The following RBMS3 variants were observed in gnomAD, a reference collection of about 807,000 sequenced individuals.
The protein encoded by RBMS3 is RNA-binding motif, single-stranded-interacting protein 3.
In RBMS3, 27 loss-of-function variants were observed where a neutral mutation model predicts 66.8. That is an observed-to-expected ratio of 0.40 (90% CI 0.30 to 0.56). RBMS3 has a LOEUF of 0.56. Among genes scored for constraint, RBMS3 ranks in the 20% least tolerant of loss-of-function variants. RBMS3 has a pLI of 0.40. For missense variants in RBMS3, 513 were observed against 549.5 expected (o/e 0.93, Z 0.66); for synonymous variants, 188 against 183.0 (o/e 1.03, Z -0.22).
Position 30,009,857 on chromosome 3 carries a change from C to T in RBMS3, c.*5995C>T, listed in dbSNP as rs1699912496. The T allele has an allele frequency of 6.6e-6, 1 of 151,674 alleles. No homozygotes were observed. Among genetic ancestry groups the T allele is most frequent in the Non-Finnish European group, 1.5e-5 (1 of 67,886 alleles). 9.4% of individuals were successfully genotyped at this position (151,674 alleles called of 1,614,324 possible). On this transcript the variant is annotated 3_prime_UTR_variant, in exon 15 of 15. Coordinates refer to ENST00000383767, the MANE Select transcript of RBMS3 (RefSeq NM_001003793.3). Reference sequence around the variant, plus strand: ...AGATTATTGAGAAAGATGTTTTTTCCTCCTCCCTCAAATATGTTATCTCTT... The same window carrying T: ...AGATTATTGAGAAAGATGTTTTTTCTTCCTCCCTCAAATATGTTATCTCTT...
chr3:29,425,209 AAAAAAAC>A (rs2040901620), intron 1 of RBMS3, among the ~76,000 whole-genome samples: 2 of 100,764 alleles, frequency 2.0e-5, no homozygotes, highest in African/African-American at 7.9e-5. Context: ...AAACCCCCCA[AAAAAAAC>A]AAAAAAAAAA....
At chr3:29,557,668 T>C (rs1464728274) in intron 3 of RBMS3, among the ~76,000 whole-genome samples, 1 of 152,176 alleles carries the variant, frequency 6.6e-6, no homozygotes, top group African/African-American at 2.4e-5. Flanking sequence ...CTGATTGGGA[T>C]TTTAATCCAG....
intron 3 of RBMS3, among the ~76,000 whole-genome samples, chr3:29,490,730 T>TG (rs1344737866): frequency 1.3e-5 from 2 of 152,026 alleles, no homozygotes; most frequent in Non-Finnish European, 2.9e-5. Flanking sequence ...GTTGAGAACT[T>TG]GGAGAACATT....
intron 3 of RBMS3, among the ~76,000 whole-genome samples, chr3:29,579,970 A>G (rs2047267888): frequency 6.6e-6 from 1 of 152,234 alleles, no homozygotes; most frequent in Admixed American, 6.5e-5. Context: ...CTCATTTAAA[A>G]ATCAATTGAA....
chr3:29,281,445 G>A lies in RBMS3; in HGVS notation c.-237G>A. 1.9e-6 allele frequency: 1 copy of A among 537,004 alleles called. No individual in the cohort carries two copies. The highest frequency in any genetic ancestry group is 2.6e-5 in the South Asian group (1 of 39,196). 33.3% of individuals were successfully genotyped at this position (537,004 alleles called of 1,614,324 possible). A position where few individuals can be genotyped will look rare whatever the true frequency, so the allele number is the denominator to read the frequency against. Reference sequence around the variant, plus strand: ...CAAGATCTGGGAAGGCTGTGTGTGGGTGTTTTTTCTACAGATCTCACTCCT... The same window carrying A: ...CAAGATCTGGGAAGGCTGTGTGTGGATGTTTTTTCTACAGATCTCACTCCT... On this transcript the variant is annotated 5_prime_UTR_variant, in exon 1 of 15. The change creates a new upstream start codon in the 5' untranslated region. Transcript: ENST00000383767.
intron 12 of RBMS3, among the ~76,000 whole-genome samples, chr3:29,959,358 T>A (rs1696256517): frequency 6.6e-6 from 1 of 152,176 alleles, no homozygotes; most frequent in African/African-American, 2.4e-5. Flanking sequence ...GCACAGCATC[T>A]CCTGAGAGCT....
intron 7 of RBMS3, among the ~76,000 whole-genome samples, chr3:29,874,262 T>G (rs1466949240): frequency 6.6e-6 from 1 of 152,130 alleles, no homozygotes; most frequent in Admixed American, 6.6e-5. Flanking sequence ...TTCAGAGACA[T>G]AGAATTAAAC....
intron 6 of RBMS3, among the ~76,000 whole-genome samples, chr3:29,771,437 A>G (rs929343610): frequency 3.3e-5 from 5 of 152,044 alleles, no homozygotes; most frequent in Admixed American, 6.6e-5. Context: ...TGTTAAATAA[A>G]TAAGCAAATA....
intron 4 of RBMS3, among the ~76,000 whole-genome samples, chr3:29,660,537 T>G (rs2050504380): frequency 6.6e-6 from 1 of 152,190 alleles, no homozygotes. Context: ...CGGAGAGACT[T>G]ACTTCTGTCA....
At chr3:29,459,802 T>C (rs1276162344) in intron 2 of RBMS3, among the ~76,000 whole-genome samples, 1 of 152,134 alleles carries the variant, frequency 6.6e-6, no homozygotes, top group Non-Finnish European at 1.5e-5. Context: ...GTAAGTACAG[T>C]AGAGAATTTA....
intron 3 of RBMS3, among the ~76,000 whole-genome samples, chr3:29,494,565 A>G (rs771468558): frequency 3.9e-5 from 6 of 152,294 alleles, no homozygotes; most frequent in Non-Finnish European, 7.4e-5. Flanking sequence ...AAACACAAGG[A>G]CTAAATAAGA....
intron 1 of RBMS3, among the ~76,000 whole-genome samples, chr3:29,402,343 T>A (rs995900286): frequency 6.6e-6 from 1 of 152,080 alleles, no homozygotes; most frequent in Non-Finnish European, 1.5e-5. Flanking sequence ...AACAGCTCAA[T>A]TGCCCACTTT....
chr3:29,399,335 C>G (rs2125661591), intron 1 of RBMS3, among the ~76,000 whole-genome samples: 1 of 152,214 alleles, frequency 6.6e-6, no homozygotes, highest in South Asian at 2.1e-4. Context: ...AGGTGGATTT[C>G]AAAACTCCAT....
chr3:29,838,917 T>A lies in RBMS3; in HGVS notation c.638-29941T>A, dbSNP rs113879176. 2.9e-3 allele frequency among the ~76,000 whole-genome samples: 438 copies of A among 152,276 alleles called. 8 individuals are homozygous for A. The highest frequency in any genetic ancestry group is 9.8e-3 in the African/African-American group (407 of 41,550). ...CTCACAATATAGATATGATCAAAGATGAGTATTTGAAATTCACTAGTTTAT... is the reference window on the plus strand; with the variant it reads ...CTCACAATATAGATATGATCAAAGAAGAGTATTTGAAATTCACTAGTTTAT... On this transcript the variant is annotated intron_variant, in intron 6 of 14. Coordinates refer to ENST00000383767, the MANE Select transcript of RBMS3 (RefSeq NM_001003793.3).
intron 1 of RBMS3, among the ~76,000 whole-genome samples, chr3:29,377,055 C>T (rs1203529288): frequency 2.6e-5 from 4 of 151,224 alleles, no homozygotes; most frequent in Non-Finnish European, 4.4e-5. Flanking sequence ...TGCCATTGCA[C>T]TATAGCCTCG....
At chr3:29,813,673 T>A (rs1385366522) in intron 6 of RBMS3, among the ~76,000 whole-genome samples, 1 of 152,186 alleles carries the variant, frequency 6.6e-6, no homozygotes, top group African/African-American at 2.4e-5. Flanking sequence ...TGGTTTGTAG[T>A]TCTCCTTGAA....
Position 29,828,893 on chromosome 3 carries a change from C to CTA in RBMS3, c.638-39964_638-39963insAT, listed in dbSNP as rs1202920369. ...GTTTTTGTTCCCATTCTAAAGATAA[C>CTA]TGTGTGTTCAGTAATAACCCATATA... On this transcript the variant is annotated intron_variant, in intron 6 of 14. Coordinates refer to ENST00000383767, the MANE Select transcript of RBMS3 (RefSeq NM_001003793.3). Among the ~76,000 whole-genome samples the CTA allele has an allele frequency of 1.6e-3, 243 of 152,240 alleles. 3 individuals are homozygous for CTA. The Middle Eastern group carries it at 0.02, about 13-fold the overall frequency.
rs148410310 is a variant in RBMS3 at position 29,293,156 on chromosome 3, T to G, written c.75+11400T>G. 7.6e-4 allele frequency among the ~76,000 whole-genome samples: 115 copies of G among 151,982 alleles called. 1 individual carries two copies. Among genetic ancestry groups the G allele is most frequent in the African/African-American group, 2.8e-3 (115 of 41,532 alleles). On this transcript the variant is annotated intron_variant, in intron 1 of 14. Coordinates refer to ENST00000383767, the MANE Select transcript of RBMS3 (RefSeq NM_001003793.3). ...TGCTTTTGATTGGAAAGAGGGATGTTTTTCAGAAAGAGTCATTGGAATCAA... is the reference window on the plus strand; with the variant it reads ...TGCTTTTGATTGGAAAGAGGGATGTGTTTCAGAAAGAGTCATTGGAATCAA...
intron 3 of RBMS3, among the ~76,000 whole-genome samples, chr3:29,543,306 A>G (rs1030295718): frequency 3.9e-5 from 6 of 152,236 alleles, no homozygotes; most frequent in African/African-American, 1.2e-4. Flanking sequence ...TAAAACCACA[A>G]TTCTCCATAG....
Sources: gnomAD v4.1 joint callset for allele counts (sites outside exome capture counted in the v4.1 genomes callset) on GRCh38, gnomAD v4.1.1 for gene constraint, MANE v1.5 for transcripts, NCBI Gene and HGNC (gene_info 2026-07-23, HGNC 2026-07-21) for gene names.